The following SUB1 variants were observed in gnomAD, a reference collection of about 807,000 sequenced individuals.
SUB1 encodes activated RNA polymerase II transcriptional coactivator p15.
SUB1 carries 1 observed loss-of-function variant against 16.9 expected under a neutral mutation model. That is an observed-to-expected ratio of 0.06 (90% CI 0.02 to 0.28). The LOEUF (loss-of-function observed/expected upper bound fraction) is 0.28, where lower values mean the gene tolerates loss of function less well. Among genes scored for constraint, SUB1 ranks in the 10% least tolerant of loss-of-function variants. The probability of loss-of-function intolerance (pLI) is 1.00; values close to 1 mark genes in which losing one functional copy is unlikely to be tolerated. For synonymous variants in SUB1, 51 were observed against 46.9 expected, an observed-to-expected ratio of 1.09 and a Z score of -0.36; for missense variants, 84 against 145.2, an observed-to-expected ratio of 0.58 and a Z score of 2.16.
intron 1 of SUB1, 116 bp from the exon 2 acceptor site, chr5:32,588,396 A>G: frequency 1.1e-6 from 1 of 906,884 alleles, no homozygotes; most frequent in East Asian, 2.7e-5. Flanking sequence ...GTACCACAAA[A>G]ATGGTAGAAT....
chr5:32,589,724 C>T (rs1479045566), intron 2 of SUB1, among the ~76,000 whole-genome samples: 1 of 152,118 alleles, frequency 6.6e-6, no homozygotes, highest in Non-Finnish European at 1.5e-5. Flanking sequence ...ATATTTATAT[C>T]CTAGAAATAG....
chr5:32,600,606 ATT>A (rs11299034), intron 4 of SUB1, among the ~76,000 whole-genome samples: 21 of 143,854 alleles, frequency 1.5e-4, no homozygotes, highest in African/African-American at 3.0e-4. Flanking sequence ...CCAAGTGGCA[ATT>A]TTTTTTTTTT....
In SUB1 at chr5:32,603,929, G is replaced by C. The variant is rs1449378016; in HGVS notation, c.*2845G>C. ...TTAAAAGTGTTTTTCCAGATAAACT[G>C]TAGGGTGAACATTCACATAATCACA... On this transcript the variant is annotated 3_prime_UTR_variant, in exon 5 of 5. Transcript: ENST00000265073. The C allele has an allele frequency of 6.6e-6, 1 of 151,494 alleles. No individual in the cohort carries two copies. The highest frequency in any genetic ancestry group is 1.5e-5 in the Non-Finnish European group (1 of 67,950). The allele number at this position is 151,494 out of a possible 1,614,324, so 9.4% of individuals were successfully genotyped here. A position where few individuals can be genotyped will look rare whatever the true frequency, so the allele number is the denominator to read the frequency against.
At chr5:32,591,240 A>G in intron 2 of SUB1, 1 of 184,234 alleles carries the variant, frequency 5.4e-6, no homozygotes. Flanking sequence ...ATTCAGAAGT[A>G]GCAAGATCCC....
At chr5:32,599,335 A>G (rs957227064) in intron 4 of SUB1, among the ~76,000 whole-genome samples, 1 of 152,224 alleles carries the variant, frequency 6.6e-6, no homozygotes, top group African/African-American at 2.4e-5. Flanking sequence ...CAATTTTTAA[A>G]AAGGTTTATG....
intron 4 of SUB1, among the ~76,000 whole-genome samples, chr5:32,600,460 T>C (rs552298944): frequency 6.6e-6 from 1 of 152,326 alleles, no homozygotes; most frequent in Admixed American, 6.5e-5. Context: ...TTTATTCTCA[T>C]TGGTTACAAT....
At chr5:32,600,446 C>T (rs1292130909) in intron 4 of SUB1, among the ~76,000 whole-genome samples, 2 of 152,180 alleles carry the variant, frequency 1.3e-5, no homozygotes, top group African/African-American at 4.8e-5. Flanking sequence ...TCTTCAAACC[C>T]TTATTTATTC....
chr5:32,586,736 CT>C (rs1477872044), intron 1 of SUB1, among the ~76,000 whole-genome samples: 1 of 152,138 alleles, frequency 6.6e-6, no homozygotes, highest in East Asian at 1.9e-4. Flanking sequence ...GCATAAAAAA[CT>C]TAACTAAATT....
intron 1 of SUB1, among the ~76,000 whole-genome samples, chr5:32,587,913 T>C (rs1738714486): frequency 6.6e-6 from 1 of 152,172 alleles, no homozygotes; most frequent in Admixed American, 6.6e-5. Flanking sequence ...CCGGCCTGAA[T>C]TGCGTATAAT....
chr5:32,589,306 CA>C lies in SUB1; in HGVS notation c.72+725del, dbSNP rs1157905177. ...ATTGCTGTGTTGCTAAGGCTGGTCTCAAACTCCTGGCCTCAGGCAATTCTTC... is the reference window on the plus strand; with the variant it reads ...ATTGCTGTGTTGCTAAGGCTGGTCTCAACTCCTGGCCTCAGGCAATTCTTC... On this transcript the variant is annotated intron_variant, in intron 2 of 4. Coordinates refer to ENST00000265073, the MANE Select transcript of SUB1 (RefSeq NM_006713.4). 2.0e-5 allele frequency among the ~76,000 whole-genome samples: 3 copies of C among 152,084 alleles called. No homozygotes were observed. In the East Asian group the frequency reaches 5.8e-4, roughly 29 times the overall value.
chr5:32,586,226 C>CG (rs1738664520), intron 1 of SUB1: 1 of 152,290 alleles, frequency 6.6e-6, no homozygotes, highest in Admixed American at 6.5e-5. Context: ...CGGCTGCTAG[C>CG]CACGGGGTTC....
intron 2 of SUB1, among the ~76,000 whole-genome samples, chr5:32,591,015 C>A (rs1385863539): frequency 1.3e-5 from 2 of 151,770 alleles, no homozygotes; most frequent in East Asian, 3.9e-4. Flanking sequence ...GTGATCCTCC[C>A]GCCTCGGACT....
At chr5:32,600,967 A>G (rs1251733538) in intron 4 of SUB1, 38 bp from the exon 5 acceptor site, 2 of 1,566,406 alleles carry the variant, frequency 1.3e-6, no homozygotes, top group East Asian at 2.2e-5. Context: ...CAACGCTTAA[A>G]TAGATTTTCA....
chr5:32,586,151 C>T (rs1738659804), intron 1 of SUB1: 1 of 152,234 alleles, frequency 6.6e-6, no homozygotes, highest in African/African-American at 2.4e-5. Context: ...CCTTCCCACG[C>T]CGTCTTCTCC....
chr5:32,599,779 G>A (rs1189733982), intron 4 of SUB1, among the ~76,000 whole-genome samples: 1 of 151,698 alleles, frequency 6.6e-6, no homozygotes, highest in Non-Finnish European at 1.5e-5. Flanking sequence ...TTCTGGATTG[G>A]TAATTCACGT....
At chr5:32,598,770 ATATT>A (rs1739042892) in intron 3 of SUB1, 187 bp from the exon 4 acceptor site, 1 of 405,510 alleles carries the variant, frequency 2.5e-6, no homozygotes, top group South Asian at 7.1e-5. Context: ...TTTTTCCAGT[ATATT>A]TATTGAAAAA....
chr5:32,592,797 A>C (rs1738863245), intron 3 of SUB1, among the ~76,000 whole-genome samples: 1 of 152,170 alleles, frequency 6.6e-6, no homozygotes, highest in African/African-American at 2.4e-5. Context: ...GGTTGACTAA[A>C]GCTGCCTACT....
intron 2 of SUB1, among the ~76,000 whole-genome samples, chr5:32,590,579 A>C (rs1479943653): frequency 2.0e-5 from 3 of 151,040 alleles, no homozygotes; most frequent in Non-Finnish European, 4.4e-5. Context: ...GATTTGCCTA[A>C]TTGTAAATTC....
intron 2 of SUB1, 105 bp downstream of exon 2, chr5:32,588,689 T>A: frequency 8.4e-7 from 1 of 1,187,200 alleles, no homozygotes; most frequent in Non-Finnish European, 1.2e-6. Flanking sequence ...AATGAGGATC[T>A]AGCTGGGCGC....
Sources: allele counts gnomAD v4.1 joint callset (sites outside exome capture counted in the v4.1 genomes callset), GRCh38; gene constraint gnomAD v4.1.1; transcripts MANE v1.5; gene names NCBI Gene and HGNC (gene_info 2026-07-23, HGNC 2026-07-21).